FRMD4B: variants seen among roughly 807,000 people sequenced by gnomAD.
The protein encoded by FRMD4B is FERM domain-containing protein 4B.
In FRMD4B, 74 loss-of-function variants were observed where a neutral mutation model predicts 141.5. The observed-to-expected ratio is 0.52, with a 90% CI of 0.43 to 0.63. The LOEUF (loss-of-function observed/expected upper bound fraction) is 0.63, where lower values mean the gene tolerates loss of function less well. Ranked by LOEUF, FRMD4B falls within the 30% of genes least tolerant of loss-of-function variation. FRMD4B has a pLI of 0.00. For missense variants in FRMD4B, 1,366 were observed against 1,253.4 expected (o/e 1.09, Z -1.36); for synonymous variants, 506 against 467.9 (o/e 1.08, Z -1.05).
chr3:69,225,694 CAAAAAAAAAAAAAAAAAAA>C, intron 7 of FRMD4B, among the ~76,000 whole-genome samples: 1 of 23,358 alleles, frequency 4.3e-5, no homozygotes, highest in African/African-American at 1.8e-4. Context: ...GACTCCGTCT[CAAAAAAAAAAAAAAAAAAA>C]AAAAAAAAAA....
intron 1 of FRMD4B, among the ~76,000 whole-genome samples, chr3:69,533,135 T>G (rs1233022872): frequency 3.3e-5 from 5 of 152,196 alleles, no homozygotes; most frequent in African/African-American, 1.2e-4. Flanking sequence ...AAATAATGAT[T>G]AAGGACAACC....
At chr3:69,267,674 GA>G (rs1440164444) in intron 5 of FRMD4B, among the ~76,000 whole-genome samples, 5 of 121,442 alleles carry the variant, frequency 4.1e-5, no homozygotes, top group African/African-American at 1.5e-4. Flanking sequence ...GAGAGAGAGA[GA>G]GAGAGAGAGA....
chr3:69,220,497 A>G (rs1225217524), intron 9 of FRMD4B, among the ~76,000 whole-genome samples: 7 of 152,184 alleles, frequency 4.6e-5, no homozygotes, highest in South Asian at 2.1e-4. Context: ...CAAGGATCCA[A>G]TTTCAAGATG....
intron 1 of FRMD4B, among the ~76,000 whole-genome samples, chr3:69,467,632 T>C (rs565464657): frequency 6.6e-6 from 1 of 152,336 alleles, no homozygotes; most frequent in Admixed American, 6.5e-5. Flanking sequence ...AATAAAAGAA[T>C]GTGCCTAGGG....
At chr3:69,309,353 C>T (rs1435234811) in intron 3 of FRMD4B, among the ~76,000 whole-genome samples, 1 of 142,710 alleles carries the variant, frequency 7.0e-6, no homozygotes, top group African/African-American at 2.6e-5. Context: ...GTTGCCTAGG[C>T]TGGTCTTGAA....
At chr3:69,450,877 G>A (rs1184915523) in intron 1 of FRMD4B, among the ~76,000 whole-genome samples, 1 of 152,142 alleles carries the variant, frequency 6.6e-6, no homozygotes, top group Non-Finnish European at 1.5e-5. Flanking sequence ...TTTTCTGATG[G>A]CCTTCCCACT....
At chr3:69,536,141 GGA>G in intron 1 of FRMD4B, 1 of 504,600 alleles carries the variant, frequency 2.0e-6, no homozygotes. Context: ...TGGCTTGGGA[GGA>G]GCCTTCTGCA....
intron 1 of FRMD4B, 31 bp from the exon 2 acceptor site, chr3:69,313,548 A>T: frequency 7.0e-7 from 1 of 1,432,316 alleles, no homozygotes; most frequent in Non-Finnish European, 9.7e-7. Context: ...GAGTGGTGTC[A>T]GGGCCACGGC....
chr3:69,171,824 G>A lies in FRMD4B; in HGVS notation c.*37C>T. The A allele has an allele frequency of 6.3e-7, 1 of 1,597,492 alleles. No homozygotes were observed. The highest frequency in any genetic ancestry group is 8.6e-7 in the Non-Finnish European group (1 of 1,166,724). On this transcript the variant is annotated 3_prime_UTR_variant, in exon 23 of 23. Transcript: ENST00000398540. The stretch of plus-strand genomic sequence containing the variant: ...TACAATTTGCAAGGCACACTAGTGT[G>A]AGAACGCAGTGCTTGGTCAGGAGGT...
intron 9 of FRMD4B, among the ~76,000 whole-genome samples, chr3:69,218,582 C>A (rs1482966292): frequency 6.6e-6 from 1 of 152,066 alleles, no homozygotes; most frequent in Non-Finnish European, 1.5e-5. Context: ...GCTAATAGAA[C>A]CTCAATTTCA....
At chr3:69,372,526 G>A (rs773357273) in intron 1 of FRMD4B, among the ~76,000 whole-genome samples, 3 of 152,162 alleles carry the variant, frequency 2.0e-5, no homozygotes, top group African/African-American at 7.2e-5. Flanking sequence ...TTAGCTGGGC[G>A]TGGTGGCACG....
intron 2 of FRMD4B, among the ~76,000 whole-genome samples, chr3:69,392,474 T>C (rs1356884323): frequency 6.6e-6 from 1 of 151,464 alleles, no homozygotes; most frequent in African/African-American, 2.4e-5. Context: ...CCCATATTTG[T>C]AGAACATAAG....
chr3:69,259,656 G>T (rs2093513649), intron 5 of FRMD4B, among the ~76,000 whole-genome samples: 3 of 152,140 alleles, frequency 2.0e-5, no homozygotes, highest in Non-Finnish European at 4.4e-5. Flanking sequence ...GTCAATATCT[G>T]ATAGGATAAG....
At chr3:69,364,732 G>C (rs1398170877) in intron 1 of FRMD4B, among the ~76,000 whole-genome samples, 1 of 152,040 alleles carries the variant, frequency 6.6e-6, no homozygotes, top group Non-Finnish European at 1.5e-5. Context: ...ATTCGACTCT[G>C]GTTAAATTAT....
chr3:69,199,007 A>T (rs1235716446), intron 11 of FRMD4B: 1 of 450,152 alleles, frequency 2.2e-6, no homozygotes, highest in African/African-American at 2.0e-5. Flanking sequence ...GCGGTGGCTC[A>T]CGCCTGTAAT....
At chr3:69,286,021 G>C (rs753974899) in intron 5 of FRMD4B, among the ~76,000 whole-genome samples, 7 of 152,174 alleles carry the variant, frequency 4.6e-5, no homozygotes, top group Non-Finnish European at 1.0e-4. Flanking sequence ...AGTACGGAGA[G>C]AGAAAAACTG....
At chr3:69,351,912 A>G (rs1235799598) in intron 1 of FRMD4B, among the ~76,000 whole-genome samples, 2 of 152,220 alleles carry the variant, frequency 1.3e-5, no homozygotes, top group African/African-American at 4.8e-5. Flanking sequence ...TGCTCAGCCA[A>G]TAATATTTGT....
chr3:69,410,731 ATATATATATATATATATATATATATATAT>A (rs1704744349), intron 2 of FRMD4B, among the ~76,000 whole-genome samples: 2 of 81,450 alleles, frequency 2.5e-5, no homozygotes, highest in African/African-American at 4.4e-5. Context: ...AAATAAATAT[ATATATATATATATATATATATATATATAT>A]ATATATATAT....
At chr3:69,369,740 A>C (rs1442141719) in intron 1 of FRMD4B, among the ~76,000 whole-genome samples, 2 of 152,234 alleles carry the variant, frequency 1.3e-5, no homozygotes, top group African/African-American at 4.8e-5. Context: ...TCATAAATTT[A>C]AGTATGATTT....
Sources: allele counts gnomAD v4.1 joint callset (sites outside exome capture counted in the v4.1 genomes callset), GRCh38; gene constraint gnomAD v4.1.1; transcripts MANE v1.5; gene names NCBI Gene and HGNC (gene_info 2026-07-23, HGNC 2026-07-21).